The following MEF2C variants were observed in gnomAD, a reference collection of about 807,000 sequenced individuals.
MEF2C encodes the protein myocyte enhancer factor 2C.
A neutral mutation model predicts 50.5 loss-of-function variants in MEF2C; 6 were observed. The observed-to-expected ratio is 0.12, with a 90% CI of 0.07 to 0.23. The LOEUF (loss-of-function observed/expected upper bound fraction) is 0.23, where lower values mean the gene tolerates loss of function less well. Ranked by LOEUF, MEF2C falls within the 10% of genes least tolerant of loss-of-function variation. The probability of loss-of-function intolerance (pLI) is 1.00; values close to 1 mark genes in which losing one functional copy is unlikely to be tolerated. For synonymous variants in MEF2C, 183 were observed against 228.0 expected, an observed-to-expected ratio of 0.80 and a Z score of 1.78; for missense variants, 276 against 605.0, an observed-to-expected ratio of 0.46 and a Z score of 5.70.
chr5:88,826,888 C>A (rs188862823), intron 1 of MEF2C: 4 of 145,610 alleles, frequency 2.7e-5, no homozygotes, highest in African/African-American at 1.1e-4. Context: ...GACAGAGCTA[C>A]ATATAAATAA....
At chr5:88,801,384 A>G (rs893679642) in intron 3 of MEF2C, among the ~76,000 whole-genome samples, 1 of 152,216 alleles carries the variant, frequency 6.6e-6, no homozygotes, top group Non-Finnish European at 1.5e-5. Flanking sequence ...GATCCATTCT[A>G]AGAACGAATT....
intron 6 of MEF2C, chr5:88,737,801 T>C: frequency 1.0e-6 from 1 of 985,428 alleles, no homozygotes; most frequent in African/African-American, 1.7e-5. Flanking sequence ...TTGGCTAACA[T>C]GAACCTCTAA....
At chr5:88,730,068 G>T in intron 8 of MEF2C, 143 bp downstream of exon 8, 2 of 684,168 alleles carry the variant, frequency 2.9e-6, no homozygotes, top group Non-Finnish European at 4.4e-6. Flanking sequence ...TGTGAGTGAT[G>T]CCAGAAATTA....
In MEF2C at chr5:88,743,068, A is replaced by C. The variant is rs563468916; in HGVS notation, c.637+6002T>G. On this transcript the variant is annotated intron_variant, in intron 6 of 10. Transcript: ENST00000504921. The stretch of plus-strand genomic sequence containing the variant: ...TTTTAATTCAGAACAATTCAAACTA[A>C]TGGAACAATACTTTCAAAACAGAAC... 4.1e-5 allele frequency: 40 copies of C among 974,368 alleles called. No homozygotes were observed. The South Asian group carries it at 4.8e-4, about 12-fold the overall frequency. 60.4% of individuals were successfully genotyped at this position (974,368 alleles called of 1,614,324 possible). A position where few individuals can be genotyped will look rare whatever the true frequency, so the allele number is the denominator to read the frequency against.
chr5:88,895,415 A>T (rs951846996), intron 1 of MEF2C, among the ~76,000 whole-genome samples: 1 of 152,202 alleles, frequency 6.6e-6, no homozygotes. Context: ...AAGTAATGAC[A>T]TACCCATTTG....
At chr5:88,733,151 T>TA (rs1297891854) in intron 6 of MEF2C, 1 of 984,888 alleles carries the variant, frequency 1.0e-6, no homozygotes, top group Non-Finnish European at 1.2e-6. Context: ...GGTGATCCAA[T>TA]AAAAGATTCA....
rs116031228 is a variant in MEF2C at position 88,839,970 on chromosome 5, C to A, written c.-142-16040G>T. Among the ~76,000 whole-genome samples the A allele has an allele frequency of 4.8e-3, 735 of 152,166 alleles. 3 individuals are homozygous for A. The highest frequency in any genetic ancestry group is 0.017 in the African/African-American group (708 of 41,494). Reference sequence around the variant, plus strand: ...GCCATGTCAAAAAAGAGAAAAAAATCTTTTCTTTTGGTTAGAAATACATAT... The same window carrying A: ...GCCATGTCAAAAAAGAGAAAAAAATATTTTCTTTTGGTTAGAAATACATAT... On this transcript the variant is annotated intron_variant, in intron 1 of 10. Transcript: ENST00000504921.
intron 1 of MEF2C, among the ~76,000 whole-genome samples, chr5:88,830,538 A>G (rs1278531011): frequency 1.3e-5 from 2 of 152,040 alleles, no homozygotes; most frequent in African/African-American, 4.8e-5. Context: ...TCCATGGTCT[A>G]TTTTGTCTTG....
At chr5:88,774,714 T>C (rs1003445043) in intron 3 of MEF2C, among the ~76,000 whole-genome samples, 1 of 152,162 alleles carries the variant, frequency 6.6e-6, no homozygotes, top group Non-Finnish European at 1.5e-5. Context: ...TTATAATAAG[T>C]GGTGGATTTT....
At chr5:88,811,598 C>T (rs769400237) in intron 2 of MEF2C, among the ~76,000 whole-genome samples, 8 of 152,096 alleles carry the variant, frequency 5.3e-5, no homozygotes, top group Non-Finnish European at 7.4e-5. Context: ...TACAGAATCT[C>T]CTATGTTTTA....
intron 3 of MEF2C, among the ~76,000 whole-genome samples, chr5:88,804,355 A>G (rs990143209): frequency 6.6e-6 from 1 of 152,216 alleles, no homozygotes; most frequent in African/African-American, 2.4e-5. Flanking sequence ...ATAGTTTGAC[A>G]CTGGTACTTG....
At chr5:88,822,367 A>G (rs1808802775) in intron 2 of MEF2C, among the ~76,000 whole-genome samples, 1 of 151,974 alleles carries the variant, frequency 6.6e-6, no homozygotes, top group South Asian at 2.1e-4. Flanking sequence ...GCGGTTTTCT[A>G]TTGACACAAT....
chr5:88,768,496 T>A (rs1165872241), intron 3 of MEF2C: 2 of 164,762 alleles, frequency 1.2e-5, no homozygotes, highest in Non-Finnish European at 2.5e-5. Flanking sequence ...TTTCTGGACA[T>A]TTGATAAAGA....
chr5:88,855,629 T>C (rs776559370), intron 1 of MEF2C, among the ~76,000 whole-genome samples: 3 of 152,160 alleles, frequency 2.0e-5, no homozygotes, highest in Admixed American at 6.5e-5. Context: ...AGGGGAGGTT[T>C]CTCCCATACT....
At position 88,841,424 on chromosome 5, in the gene MEF2C, T is replaced by G. The variant is rs866524820; in HGVS notation, c.-142-17494A>C. On this transcript the variant is annotated intron_variant, in intron 1 of 10. Coordinates refer to ENST00000504921, the MANE Select transcript of MEF2C (RefSeq NM_002397.5). ...CAGGAAGCTGAGATCAGAGGATCGT[T>G]TGAGCCCAGGAGTTTCAGGCTGCAG... Among the ~76,000 whole-genome samples the G allele has an allele frequency of 9.0e-4, 137 of 151,838 alleles. 2 individuals are homozygous for G. The highest frequency in any genetic ancestry group is 3.0e-3 in the African/African-American group (125 of 41,396).
chr5:88,749,277 G>T, intron 5 of MEF2C, 160 bp from the exon 6 acceptor site: 1 of 929,704 alleles, frequency 1.1e-6, no homozygotes, highest in Non-Finnish European at 1.3e-6. Context: ...ATTGTGCCAT[G>T]CTGTGCTCAA....
intron 1 of MEF2C, 167 bp from the exon 2 acceptor site, chr5:88,824,097 G>T (rs1169504379): frequency 1.1e-6 from 1 of 872,362 alleles, no homozygotes; most frequent in Non-Finnish European, 1.4e-6. Flanking sequence ...GACAGGAGCA[G>T]ATCAAGTAGT....
At chr5:88,741,738 G>A (rs1382935094) in intron 6 of MEF2C, 1 of 984,586 alleles carries the variant, frequency 1.0e-6, no homozygotes, top group Middle Eastern at 5.2e-4. Flanking sequence ...TATAATAACT[G>A]GAGGTGGTGG....
chr5:88,780,164 G>T (rs902494354), intron 3 of MEF2C, among the ~76,000 whole-genome samples: 1 of 151,170 alleles, frequency 6.6e-6, no homozygotes, highest in African/African-American at 2.4e-5. Flanking sequence ...AAAAGAAAAA[G>T]AAAAAAGAAA....
Sources: gnomAD v4.1 joint callset for allele counts (sites outside exome capture counted in the v4.1 genomes callset) on GRCh38, gnomAD v4.1.1 for gene constraint, MANE v1.5 for transcripts, NCBI Gene and HGNC (gene_info 2026-07-23, HGNC 2026-07-21) for gene names.